ALDH1A1: variants seen among roughly 807,000 people sequenced by gnomAD.
ALDH1A1 encodes the protein aldehyde dehydrogenase 1 family member A1.
ALDH1A1 carries 19 observed loss-of-function variants against 62.1 expected under a neutral mutation model. The observed-to-expected ratio is 0.31, with a 90% CI of 0.21 to 0.45. The LOEUF (loss-of-function observed/expected upper bound fraction) is 0.45, where lower values mean the gene tolerates loss of function less well. Ranked by LOEUF, ALDH1A1 falls within the 20% of genes least tolerant of loss-of-function variation. ALDH1A1 has a pLI of 1.00. For missense variants in ALDH1A1, 521 were observed against 607.1 expected, an observed-to-expected ratio of 0.86 and a Z score of 1.49; for synonymous variants, 231 against 215.9, an observed-to-expected ratio of 1.07 and a Z score of -0.61.
Position 72,952,846 on chromosome 9 carries a change from A to G in ALDH1A1, c.66+89T>C, listed in dbSNP as rs528320441. The G allele has an allele frequency of 2.5e-5, 37 of 1,464,416 alleles. No individual in the cohort carries two copies. The African/African-American group carries it at 4.4e-4, about 17-fold the overall frequency. The allele number at this position is 1,464,416 out of a possible 1,614,324, so 90.7% of individuals were successfully genotyped here. ...TTTATATTTGCAAAGGGCTCTTTACACAAGTTTACTTAAATTGACCTTTAA... is the reference window on the plus strand; with the variant it reads ...TTTATATTTGCAAAGGGCTCTTTACGCAAGTTTACTTAAATTGACCTTTAA... On this transcript the variant is annotated intron_variant, in intron 1 of 12. Transcript: ENST00000297785.
At chr9:72,932,648 A>G (rs184200039) in intron 2 of ALDH1A1, among the ~76,000 whole-genome samples, 1 of 152,352 alleles carries the variant, frequency 6.6e-6, no homozygotes, top group Admixed American at 6.5e-5. Flanking sequence ...AGAAATACAT[A>G]TACAGTGCAT....
intron 6 of ALDH1A1, among the ~76,000 whole-genome samples, chr9:72,924,465 A>C: frequency 6.6e-6 from 1 of 152,218 alleles, no homozygotes; most frequent in South Asian, 2.1e-4. Context: ...CTTATGTAGA[A>C]AGTAAGTAAC....
chr9:72,944,476 A>AT (rs959674236), intron 1 of ALDH1A1, among the ~76,000 whole-genome samples: 85 of 151,622 alleles, frequency 5.6e-4, no homozygotes, highest in African/African-American at 1.9e-3. Context: ...CCTCAAATAC[A>AT]TTTTTTTTCT....
At chr9:72,952,901 C>A in intron 1 of ALDH1A1, 34 bp downstream of exon 1, 3 of 1,606,878 alleles carry the variant, frequency 1.9e-6, no homozygotes, top group Non-Finnish European at 2.6e-6. Flanking sequence ...TTTTGCAAAC[C>A]CGAGTCAAAG....
At chr9:72,927,448 A>C (rs1443848520) in intron 4 of ALDH1A1, among the ~76,000 whole-genome samples, 3 of 152,200 alleles carry the variant, frequency 2.0e-5, no homozygotes, top group Non-Finnish European at 4.4e-5. Flanking sequence ...AGGAACCATA[A>C]AATTGAGTTA....
chr9:72,941,750 A>T (rs1367024089), intron 1 of ALDH1A1, among the ~76,000 whole-genome samples: 1 of 152,344 alleles, frequency 6.6e-6, no homozygotes, highest in East Asian at 1.9e-4. Context: ...AATGGGGAAG[A>T]GGATAAGCCG....
intron 7 of ALDH1A1, 78 bp from the exon 8 acceptor site, chr9:72,918,900 T>A: frequency 9.9e-7 from 1 of 1,007,412 alleles, no homozygotes; most frequent in Non-Finnish European, 1.5e-6. Flanking sequence ...TAAATTTATG[T>A]GATGTTTGTG....
At position 72,945,512 on chromosome 9, in the gene ALDH1A1, T is replaced by C. The variant is rs202152088; in HGVS notation, c.67-5260A>G. 1.2e-4 allele frequency among the ~76,000 whole-genome samples: 18 copies of C among 151,912 alleles called. No homozygotes were observed. In the East Asian group the frequency reaches 3.5e-3, roughly 29 times the overall value. ...ATGTCATCCATGTGAATTTTCAAAC[T>C]TGAGAACTGAGTCACAGCATAGGCT... On this transcript the variant is annotated intron_variant, in intron 1 of 12. Coordinates refer to ENST00000297785, the MANE Select transcript of ALDH1A1 (RefSeq NM_000689.5).
intron 11 of ALDH1A1, among the ~76,000 whole-genome samples, chr9:72,907,098 C>A (rs1400200063): frequency 1.3e-5 from 2 of 152,170 alleles, no homozygotes; most frequent in African/African-American, 4.8e-5. Context: ...CAGATGTTTT[C>A]TTTGTTAAAA....
intron 12 of ALDH1A1, 146 bp from the exon 13 acceptor site, chr9:72,901,426 T>C (rs765205984): frequency 7.4e-5 from 37 of 497,366 alleles, no homozygotes; most frequent in Non-Finnish European, 1.0e-4. Flanking sequence ...TTTTATATAG[T>C]AGCTAGCCAA....
At chr9:72,943,976 A>G (rs1036904874) in intron 1 of ALDH1A1, among the ~76,000 whole-genome samples, 1 of 152,046 alleles carries the variant, frequency 6.6e-6, no homozygotes. Flanking sequence ...AGGGAGGGAC[A>G]AATCTTTGGA....
In ALDH1A1 at chr9:72,901,005, G is replaced by C; in HGVS notation, c.*203C>G. On this transcript the variant is annotated 3_prime_UTR_variant, in exon 13 of 13. Transcript: ENST00000297785. ...CTTTTTTTATTTAGGATAGGACTTG[G>C]GGGTCACATTTCAGAAGGCAAATAA... The C allele has an allele frequency of 2.3e-6, 1 of 443,244 alleles. No individual in the cohort carries two copies. 27.5% of individuals were successfully genotyped at this position (443,244 alleles called of 1,614,324 possible).
chr9:72,923,817 T>C (rs1830170490), intron 7 of ALDH1A1: 1 of 382,790 alleles, frequency 2.6e-6, no homozygotes, highest in Non-Finnish European at 4.6e-6. Context: ...TTACTCTCAT[T>C]CTGATTTAAA....
intron 12 of ALDH1A1, among the ~76,000 whole-genome samples, chr9:72,901,844 G>A (rs1829807506): frequency 6.6e-6 from 1 of 151,962 alleles, no homozygotes; most frequent in South Asian, 2.1e-4. Flanking sequence ...AATTGATCAT[G>A]GTTTCATTTT....
chr9:72,918,266 T>A (rs1830088348), intron 8 of ALDH1A1, among the ~76,000 whole-genome samples: 1 of 152,238 alleles, frequency 6.6e-6, no homozygotes, highest in Non-Finnish European at 1.5e-5. Flanking sequence ...ATATTAGGTA[T>A]AATTTTCTTC....
At chr9:72,915,986 C>T (rs933916632) in intron 9 of ALDH1A1, among the ~76,000 whole-genome samples, 2 of 152,170 alleles carry the variant, frequency 1.3e-5, no homozygotes, top group Admixed American at 1.3e-4. Flanking sequence ...AATGTCTAGA[C>T]TCCAGAGCAG....
chr9:72,920,308 T>C (rs1830124786), intron 7 of ALDH1A1, among the ~76,000 whole-genome samples: 1 of 152,170 alleles, frequency 6.6e-6, no homozygotes, highest in Admixed American at 6.5e-5. Context: ...AAAGGAGATT[T>C]GCACTAGGGA....
intron 12 of ALDH1A1, among the ~76,000 whole-genome samples, chr9:72,904,348 C>G (rs1173781105): frequency 6.6e-6 from 1 of 152,120 alleles, no homozygotes; most frequent in Admixed American, 6.6e-5. Flanking sequence ...AAATGCAGGA[C>G]TTCTTAATCT....
chr9:72,950,861 A>AT (rs11325184), intron 1 of ALDH1A1, among the ~76,000 whole-genome samples: 2 of 150,766 alleles, frequency 1.3e-5, no homozygotes, highest in South Asian at 2.1e-4. Context: ...AATAACCATC[A>AT]TTTTTTTTTT....
Sources: allele counts gnomAD v4.1 joint callset (sites outside exome capture counted in the v4.1 genomes callset), GRCh38; gene constraint gnomAD v4.1.1; transcripts MANE v1.5; gene names NCBI Gene and HGNC (gene_info 2026-07-23, HGNC 2026-07-21).